The following PKP4 variants were observed in gnomAD, a reference collection of about 807,000 sequenced individuals.
PKP4 encodes the protein plakophilin-4.
In PKP4, 90 loss-of-function variants were observed where a neutral mutation model predicts 145.1. The observed-to-expected ratio is 0.62, with a 90% CI of 0.52 to 0.74. The LOEUF (loss-of-function observed/expected upper bound fraction) is 0.74. Ranked by LOEUF, PKP4 falls within the 30% of genes least tolerant of loss-of-function variation. PKP4 has a pLI of 0.00. For synonymous variants in PKP4, 563 were observed against 577.2 expected (o/e 0.98, Z 0.35); for missense variants, 1,340 against 1,482.7 (o/e 0.90, Z 1.58).
chr2:158,605,898 G>A (rs2050615291), intron 4 of PKP4, among the ~76,000 whole-genome samples: 1 of 152,046 alleles, frequency 6.6e-6, no homozygotes, highest in South Asian at 2.1e-4. Context: ...TCATACATGT[G>A]GTCCTTGTGG....
At chr2:158,539,501 C>T (rs1316726975) in intron 2 of PKP4, among the ~76,000 whole-genome samples, 1 of 152,210 alleles carries the variant, frequency 6.6e-6, no homozygotes, top group East Asian at 1.9e-4. Context: ...TTTATTTCAG[C>T]TGTAAACAAG....
At position 158,467,840 on chromosome 2, in the gene PKP4, C is replaced by CT. The variant is rs1236987647; in HGVS notation, c.-6+10623dup. Among the ~76,000 whole-genome samples, 3 of 152,084 alleles carry CT rather than the reference C, an allele frequency of 2.0e-5. No individual in the cohort carries two copies. The East Asian group carries it at 5.8e-4, about 29-fold the overall frequency. ...CCAACCTGGGCAATAGAGTGAAACTCTATCTCCAAAAATAAAAAAATAAAA... is the reference window on the plus strand; with the variant it reads ...CCAACCTGGGCAATAGAGTGAAACTCTTATCTCCAAAAATAAAAAAATAAAA... On this transcript the variant is annotated intron_variant, in intron 1 of 21. Transcript: ENST00000389759.
intron 1 of PKP4, among the ~76,000 whole-genome samples, chr2:158,462,311 T>G (rs751311143): frequency 6.6e-6 from 1 of 152,156 alleles, no homozygotes; most frequent in Non-Finnish European, 1.5e-5. Context: ...TGGATTATAT[T>G]GATCTAAGTT....
intron 7 of PKP4, among the ~76,000 whole-genome samples, chr2:158,626,679 A>G (rs1227381483): frequency 6.6e-6 from 1 of 152,178 alleles, no homozygotes; most frequent in Admixed American, 6.5e-5. Context: ...AGTGCTGCAT[A>G]TTCCAAGTTT....
intron 7 of PKP4, 152 bp downstream of exon 7, chr2:158,625,579 G>T (rs1574846054): frequency 3.2e-6 from 2 of 628,948 alleles, no homozygotes; most frequent in South Asian, 2.5e-5. Flanking sequence ...TTGTCTTTCA[G>T]GTTCTGTAAT....
intron 4 of PKP4, among the ~76,000 whole-genome samples, chr2:158,619,943 ACGCACACACAC>A (rs2052036988): frequency 6.5e-5 from 3 of 46,402 alleles, no homozygotes; most frequent in Non-Finnish European, 1.8e-4. Context: ...ACACACACAC[ACGCACACACAC>A]ACCCCTTACC....
intron 6 of PKP4, among the ~76,000 whole-genome samples, chr2:158,621,750 CA>C (rs112367194): frequency 0.025 from 1,638 of 64,394 alleles, 26 homozygotes; most frequent in African/African-American, 0.079. Context: ...CGTCTCAAAA[CA>C]AAAAAAAAAA....
chr2:158,465,953 G>A (rs1024911353), intron 1 of PKP4, among the ~76,000 whole-genome samples: 2 of 152,132 alleles, frequency 1.3e-5, no homozygotes, highest in African/African-American at 4.8e-5. Context: ...TGAAATCTTC[G>A]GATAGTATAT....
intron 1 of PKP4, among the ~76,000 whole-genome samples, chr2:158,475,114 T>C (rs1185916367): frequency 1.3e-5 from 2 of 152,210 alleles, no homozygotes; most frequent in African/African-American, 2.4e-5. Context: ...TTGTGTTTTT[T>C]GTTCTTGTTG....
chr2:158,551,180 G>T (rs2045590129), intron 2 of PKP4, among the ~76,000 whole-genome samples: 1 of 152,130 alleles, frequency 6.6e-6, no homozygotes, highest in South Asian at 2.1e-4. Flanking sequence ...TGGTCTTTGG[G>T]TCAACTTTAT....
intron 2 of PKP4, among the ~76,000 whole-genome samples, chr2:158,537,142 T>C (rs1472887987): frequency 6.6e-6 from 1 of 152,206 alleles, no homozygotes; most frequent in African/African-American, 2.4e-5. Context: ...CACAGAAACA[T>C]TGTGAGCAAG....
At chr2:158,553,527 C>T (rs890902116) in intron 2 of PKP4, among the ~76,000 whole-genome samples, 1 of 152,122 alleles carries the variant, frequency 6.6e-6, no homozygotes, top group African/African-American at 2.4e-5. Flanking sequence ...GTTAGACTTC[C>T]CAAACTGTAC....
Position 158,573,621 on chromosome 2 carries a change from TG to T in PKP4, c.133-3647del, listed in dbSNP as rs1398714160. Among the ~76,000 whole-genome samples the T allele has an allele frequency of 6.9e-5, 10 of 145,694 alleles. No homozygotes were observed. In the East Asian group the frequency reaches 2.1e-3, roughly 30 times the overall value. Reference sequence around the variant, plus strand: ...GAAGTGTCTCACAATATATTTAAATTGGGAGAGAGAAATCTATCATAGAAAT... The same window carrying T: ...GAAGTGTCTCACAATATATTTAAATTGGAGAGAGAAATCTATCATAGAAAT... On this transcript the variant is annotated intron_variant, in intron 2 of 21. Coordinates refer to ENST00000389759, the MANE Select transcript of PKP4 (RefSeq NM_003628.6).
At chr2:158,511,512 C>T (rs973060855) in intron 1 of PKP4, among the ~76,000 whole-genome samples, 1 of 152,054 alleles carries the variant, frequency 6.6e-6, no homozygotes, top group Non-Finnish European at 1.5e-5. Context: ...AACAAATGTT[C>T]TATCCTTTGG....
At chr2:158,670,123 T>C (rs1249444562) in intron 17 of PKP4, among the ~76,000 whole-genome samples, 1 of 152,252 alleles carries the variant, frequency 6.6e-6, no homozygotes, top group Non-Finnish European at 1.5e-5. Flanking sequence ...GTTTTCACTT[T>C]ATTGTAACAC....
At chr2:158,548,904 C>A in intron 2 of PKP4, 1 of 183,934 alleles carries the variant, frequency 5.4e-6, no homozygotes, top group Non-Finnish European at 1.2e-5. Flanking sequence ...TCGCACATGA[C>A]ATGGATCCCA....
chr2:158,531,282 TC>T (rs1468002201), intron 1 of PKP4, among the ~76,000 whole-genome samples: 1 of 152,220 alleles, frequency 6.6e-6, no homozygotes, highest in Admixed American at 6.5e-5. Flanking sequence ...ACTGAATTTT[TC>T]CTTCTTTTTC....
chr2:158,519,382 C>T (rs77430321), intron 1 of PKP4, among the ~76,000 whole-genome samples: 1,735 of 152,198 alleles, frequency 0.011, 11 homozygotes, highest in Middle Eastern at 0.037. Context: ...GGAATTTGGT[C>T]CCCCCTGGGT....
intron 1 of PKP4, among the ~76,000 whole-genome samples, chr2:158,526,329 T>C (rs1259769883): frequency 3.0e-5 from 4 of 131,836 alleles, no homozygotes; most frequent in African/African-American, 8.7e-5. Flanking sequence ...GCTGGTTCAA[T>C]ATACGCAAAT....
Sources: gnomAD v4.1 joint callset for allele counts (sites outside exome capture counted in the v4.1 genomes callset) on GRCh38, gnomAD v4.1.1 for gene constraint, MANE v1.5 for transcripts, NCBI Gene and HGNC (gene_info 2026-07-23, HGNC 2026-07-21) for gene names.